CAST: variants seen among roughly 807,000 people sequenced by gnomAD.
CAST encodes the protein MIR583 host.
CAST carries 76 observed loss-of-function variants against 119.6 expected under a neutral mutation model. The observed-to-expected ratio is 0.64, with a 90% CI of 0.53 to 0.77. CAST has a LOEUF of 0.77. Ranked by LOEUF, CAST falls within the 30% of genes least tolerant of loss-of-function variation. The probability of loss-of-function intolerance (pLI) is 0.00; values close to 1 mark genes in which losing one functional copy is unlikely to be tolerated. For synonymous variants in CAST, 319 were observed against 331.6 expected (o/e 0.96, Z 0.41); for missense variants, 953 against 946.5 (o/e 1.01, Z -0.09).
chr5:96,048,511 C>T, the CAST span, among the ~76,000 whole-genome samples: 1 of 151,994 alleles, frequency 6.6e-6, no homozygotes, highest in Non-Finnish European at 1.5e-5. Flanking sequence ...AAAATAATGG[C>T]AATAATAATA....
chr5:96,495,702 A>G, the CAST span, among the ~76,000 whole-genome samples: 1 of 152,136 alleles, frequency 6.6e-6, no homozygotes, highest in Non-Finnish European at 1.5e-5. Context: ...AGTCTTTGCT[A>G]TTGTAAATAG....
At chr5:95,996,707 T>C in the CAST span, among the ~76,000 whole-genome samples, 1 of 152,206 alleles carries the variant, frequency 6.6e-6, no homozygotes, top group Non-Finnish European at 1.5e-5. Context: ...CCTGTTAAGA[T>C]GTAAATTACT....
chr5:96,252,084 T>C, the CAST span, among the ~76,000 whole-genome samples: 2 of 152,150 alleles, frequency 1.3e-5, no homozygotes, highest in South Asian at 2.1e-4. Flanking sequence ...CATACTCTTA[T>C]TTAACTCTGG....
the CAST span, among the ~76,000 whole-genome samples, chr5:96,267,080 T>C: frequency 6.6e-6 from 1 of 151,986 alleles, no homozygotes; most frequent in African/African-American, 2.4e-5. Flanking sequence ...GTAGAGGAAA[T>C]AATTAGTGAG....
the CAST span, among the ~76,000 whole-genome samples, chr5:96,434,621 T>G: frequency 1.8e-5 from 2 of 111,592 alleles, no homozygotes; most frequent in Non-Finnish European, 3.7e-5. Context: ...TTTTTTTTGT[T>G]GTTGTTGTTG....
chr5:96,741,503 GAAGTTTTA>G lies in CAST; in HGVS notation c.1024_1031del (p.Val342SerfsTer27). The G allele has an allele frequency of 6.2e-7, 1 of 1,612,498 alleles. No homozygotes were observed. The highest frequency in any genetic ancestry group is 1.1e-5 in the South Asian group (1 of 90,990). The stretch of plus-strand genomic sequence containing the variant: ...GTATTTTGTTTTTCAGGAATCTACA[GAAGTTTTA>G]AAAGCTCAGTCAGCAGGGACAGTCA... On this transcript the variant is annotated frameshift_variant, in exon 15 of 32. Transcript: ENST00000675179. LOFTEE classifies it high-confidence loss of function.
chr5:96,494,555 A>C, the CAST span, among the ~76,000 whole-genome samples: 35 of 152,352 alleles, frequency 2.3e-4, no homozygotes, highest in African/African-American at 8.4e-4. Context: ...TATAAAAAGC[A>C]TACAGAACAG....
the CAST span, among the ~76,000 whole-genome samples, chr5:96,280,399 G>A: frequency 1.3e-4 from 20 of 152,168 alleles, no homozygotes; most frequent in African/African-American, 4.1e-4. Context: ...AGTAAGAAGA[G>A]AACAATGAAA....
rs1773026311 is a variant in CAST, at chr5:96,773,042, T to C, written c.*426T>C. On this transcript the variant is annotated 3_prime_UTR_variant, in exon 32 of 32. Coordinates refer to ENST00000675179, the MANE Select transcript of CAST (RefSeq NM_001750.7). ...TTTTTTGTTAGTGTTTAGAAAACAA[T>C]GTTTTAAACATTCTTCAGTGTTCTG... 6.5e-6 allele frequency: 1 copy of C among 153,894 alleles called. No individual in the cohort carries two copies. Among genetic ancestry groups the C allele is most frequent in the Non-Finnish European group, 1.5e-5 (1 of 68,010 alleles). The allele number at this position is 153,894 out of a possible 1,614,324, so 9.5% of individuals were successfully genotyped here. A position where few individuals can be genotyped will look rare whatever the true frequency, so the allele number is the denominator to read the frequency against.
the CAST span, among the ~76,000 whole-genome samples, chr5:96,341,335 C>A: frequency 3.4e-5 from 5 of 147,972 alleles, no homozygotes; most frequent in Non-Finnish European, 7.5e-5. Context: ...TCCCCCCACC[C>A]TCCACCCCAC....
chr5:96,385,312 C>T, the CAST span, among the ~76,000 whole-genome samples: 302 of 152,184 alleles, frequency 2.0e-3, 1 homozygote, highest in Non-Finnish European at 3.2e-3. Context: ...TTTGAAGAAG[C>T]GGTATAAACT....
At chr5:96,428,766 G>A in the CAST span, among the ~76,000 whole-genome samples, 1 of 151,988 alleles carries the variant, frequency 6.6e-6, no homozygotes, top group Admixed American at 6.6e-5. Context: ...AAATGTTATT[G>A]AAAGTAAGGC....
chr5:96,439,522 C>T, the CAST span, among the ~76,000 whole-genome samples: 1 of 152,224 alleles, frequency 6.6e-6, no homozygotes, highest in Non-Finnish European at 1.5e-5. Flanking sequence ...AAAAAGATTG[C>T]TTTAAAGTCT....
intron 1 of CAST, among the ~76,000 whole-genome samples, chr5:96,536,735 T>C (rs898445212): frequency 1.3e-5 from 2 of 152,210 alleles, no homozygotes; most frequent in African/African-American, 4.8e-5. Context: ...GAAATTCTAA[T>C]CATAATTTGG....
At chr5:96,408,289 G>A in the CAST span, 73 of 1,613,942 alleles carry the variant, frequency 4.5e-5, no homozygotes, top group Middle Eastern at 3.3e-4. Flanking sequence ...GCCTGTGTGC[G>A]TCTCCGTGCA....
intron 1 of CAST, among the ~76,000 whole-genome samples, chr5:96,670,871 A>C (rs1580903479): frequency 1.3e-5 from 2 of 152,362 alleles, no homozygotes; most frequent in East Asian, 3.9e-4. Context: ...TATCTGGGTA[A>C]CAACAGGGCA....
the CAST span, among the ~76,000 whole-genome samples, chr5:96,279,682 A>G: frequency 1.3e-5 from 2 of 152,228 alleles, no homozygotes; most frequent in African/African-American, 4.8e-5. Flanking sequence ...TAATGTTCTT[A>G]TACCACAGCT....
At chr5:96,757,306 C>T in intron 22 of CAST, 138 bp from the exon 23 acceptor site, 2 of 811,448 alleles carry the variant, frequency 2.5e-6, no homozygotes, top group South Asian at 3.2e-5. Flanking sequence ...GTGAGAGAAT[C>T]CTTCGTGACA....
At chr5:96,255,181 A>T in the CAST span, among the ~76,000 whole-genome samples, 11 of 152,170 alleles carry the variant, frequency 7.2e-5, no homozygotes, top group Admixed American at 7.2e-4. Context: ...TTCAGGAGAA[A>T]CTCCAGCCAG....
Sources: allele counts gnomAD v4.1 joint callset (sites outside exome capture counted in the v4.1 genomes callset), GRCh38; gene constraint gnomAD v4.1.1; transcripts MANE v1.5; gene names NCBI Gene and HGNC (gene_info 2026-07-23, HGNC 2026-07-21).